The following CADM2 variants were observed in gnomAD, a reference collection of about 807,000 sequenced individuals.
CADM2 encodes immunoglobulin superfamily member 4D.
In CADM2, 12 loss-of-function variants were observed where a neutral mutation model predicts 49.8. The observed-to-expected ratio is 0.24, with a 90% confidence interval of 0.15 to 0.39. CADM2 has a LOEUF of 0.39. Ranked by LOEUF, CADM2 falls within the 10% of genes least tolerant of loss-of-function variation. The probability of loss-of-function intolerance (pLI) is 1.00; values close to 1 mark genes in which losing one functional copy is unlikely to be tolerated. For missense variants in CADM2, 378 were observed against 492.3 expected, an observed-to-expected ratio of 0.77 and a Z score of 2.20; for synonymous variants, 214 against 175.4, an observed-to-expected ratio of 1.22 and a Z score of -1.74.
Position 85,859,224 on chromosome 3 carries a change from C to CTTTTTTTTTTTTTTTTTTTTT in CADM2, c.239-24061_239-24041dup, listed in dbSNP as rs397990427. The stretch of plus-strand genomic sequence containing the variant: ...TACCTTGTGCTTTTCTTTTTTTTGT[C>CTTTTTTTTTTTTTTTTTTTTT]TTTTTTTTTTTTTTTTTTTTTTTTT... On this transcript the variant is annotated intron_variant, in intron 3 of 9. Coordinates refer to ENST00000383699, the MANE Select transcript of CADM2 (RefSeq NM_001167675.2). 1.6e-4 allele frequency among the ~76,000 whole-genome samples: 11 copies of CTTTTTTTTTTTTTTTTTTTTT among 70,598 alleles called. 3 individuals are homozygous for CTTTTTTTTTTTTTTTTTTTTT. The highest frequency in any genetic ancestry group is 2.7e-4 in the Non-Finnish European group (11 of 40,030). The allele number at this position is 70,598 out of a possible 152,430, so 46.3% of individuals were successfully genotyped here.
At chr3:85,743,301 C>G (rs1022636630) in intron 2 of CADM2, among the ~76,000 whole-genome samples, 1 of 152,156 alleles carries the variant, frequency 6.6e-6, no homozygotes, top group Non-Finnish European at 1.5e-5. Flanking sequence ...AAAAGCACAG[C>G]TTTTCAGCCA....
At chr3:85,038,993 A>G (rs1576091505) in intron 1 of CADM2, among the ~76,000 whole-genome samples, 2 of 152,126 alleles carry the variant, frequency 1.3e-5, no homozygotes, top group East Asian at 3.8e-4. Flanking sequence ...TCATAATTTT[A>G]TATACTTATG....
Position 86,067,092 on chromosome 3 carries a change from T to A in CADM2, c.*309T>A. 1 of 236,522 alleles carries A rather than the reference T, an allele frequency of 4.2e-6. No individual in the cohort carries two copies. Among genetic ancestry groups the A allele is most frequent in the South Asian group, 9.4e-5 (1 of 10,678 alleles). The allele number at this position is 236,522 out of a possible 1,614,324, so 14.7% of individuals were successfully genotyped here. A position where few individuals can be genotyped will look rare whatever the true frequency, so the allele number is the denominator to read the frequency against. ...CTTGGATCATTATATTGAGTGGTTT[T>A]TATACATTAAAAAATGTATGCAGAG... is the stretch of plus-strand genomic sequence containing the variant. On this transcript the variant is annotated 3_prime_UTR_variant, in exon 10 of 10. Coordinates refer to ENST00000383699, the MANE Select transcript of CADM2 (RefSeq NM_001167675.2).
intron 8 of CADM2, among the ~76,000 whole-genome samples, chr3:85,965,827 A>G (rs992522864): frequency 4.0e-5 from 6 of 151,624 alleles, no homozygotes; most frequent in African/African-American, 1.5e-4. Context: ...GGAATGACCA[A>G]TGGTATTATG....
intron 1 of CADM2, among the ~76,000 whole-genome samples, chr3:85,383,527 T>TATAC (rs2034028235): frequency 1.7e-5 from 1 of 59,502 alleles, no homozygotes; most frequent in South Asian, 5.6e-4. Flanking sequence ...TATATATATA[T>TATAC]ATATATATAT....
At chr3:85,099,246 C>T (rs1262718251) in intron 1 of CADM2, among the ~76,000 whole-genome samples, 4 of 152,120 alleles carry the variant, frequency 2.6e-5, no homozygotes, top group Non-Finnish European at 5.9e-5. Context: ...GTTCCTGAAA[C>T]TTACCCAGAG....
chr3:85,537,489 G>A (rs1056509533), intron 1 of CADM2, among the ~76,000 whole-genome samples: 1 of 46,126 alleles, frequency 2.2e-5, no homozygotes, highest in African/African-American at 4.5e-5. Context: ...CGCATGCATG[G>A]TTGTTTGTGT....
intron 7 of CADM2, among the ~76,000 whole-genome samples, chr3:85,952,979 TCTTA>T (rs1487320407): frequency 6.7e-6 from 1 of 149,274 alleles, no homozygotes; most frequent in Non-Finnish European, 1.5e-5. Flanking sequence ...GCTGGCTGTT[TCTTA>T]CTTTATTTTT....
chr3:85,296,255 G>C (rs946262263), intron 1 of CADM2, among the ~76,000 whole-genome samples: 1 of 152,010 alleles, frequency 6.6e-6, no homozygotes, highest in Non-Finnish European at 1.5e-5. Flanking sequence ...ATAAAGTACA[G>C]CTAAGACCTC....
chr3:85,021,797 AAAAAT>A (rs2034524806), intron 1 of CADM2, among the ~76,000 whole-genome samples: 1 of 152,254 alleles, frequency 6.6e-6, no homozygotes, highest in African/African-American at 2.4e-5. Flanking sequence ...AATAAAAACA[AAAAAT>A]AAAAATACAC....
intron 8 of CADM2, among the ~76,000 whole-genome samples, chr3:85,970,101 GAA>G (rs1185531301): frequency 2.9e-5 from 4 of 138,744 alleles, no homozygotes; most frequent in African/African-American, 1.0e-4. Context: ...ATCCCATATT[GAA>G]AAAAAAAAAG....
chr3:85,109,698 CTTAA>C (rs1427686012), intron 1 of CADM2, among the ~76,000 whole-genome samples: 1 of 151,794 alleles, frequency 6.6e-6, no homozygotes, highest in African/African-American at 2.4e-5. Flanking sequence ...GGAAAAGTTT[CTTAA>C]TTAATTATTT....
intron 1 of CADM2, among the ~76,000 whole-genome samples, chr3:85,531,353 T>A (rs2061304952): frequency 6.6e-6 from 1 of 152,210 alleles, no homozygotes; most frequent in Non-Finnish European, 1.5e-5. Flanking sequence ...GGTGGTTGTT[T>A]CAGTGTAAGC....
chr3:85,211,346 T>C (rs1160871301), intron 1 of CADM2, among the ~76,000 whole-genome samples: 2 of 152,066 alleles, frequency 1.3e-5, no homozygotes, highest in Non-Finnish European at 2.9e-5. Context: ...TGGGGTTTGG[T>C]TTGTTTTTGC....
chr3:85,870,793 A>G (rs2075899000), intron 3 of CADM2, among the ~76,000 whole-genome samples: 2 of 152,172 alleles, frequency 1.3e-5, no homozygotes, highest in African/African-American at 4.8e-5. Context: ...GTTGAATGAT[A>G]GTTCTGTTTT....
intron 5 of CADM2, among the ~76,000 whole-genome samples, chr3:85,904,094 A>G (rs564392698): frequency 1.3e-5 from 2 of 151,836 alleles, no homozygotes; most frequent in African/African-American, 2.4e-5. Flanking sequence ...ACTTCCCCCA[A>G]CTCTGTTCCA....
chr3:85,238,238 G>T (rs770852805), intron 1 of CADM2, among the ~76,000 whole-genome samples: 1 of 151,914 alleles, frequency 6.6e-6, no homozygotes, highest in Non-Finnish European at 1.5e-5. Flanking sequence ...GAACGTATCA[G>T]TGTGCCATAT....
intron 1 of CADM2, among the ~76,000 whole-genome samples, chr3:85,519,976 T>A (rs879439115): frequency 6.6e-6 from 1 of 152,048 alleles, no homozygotes; most frequent in Non-Finnish European, 1.5e-5. Context: ...AGAATGTGTA[T>A]TTTTATTAAC....
At chr3:85,489,804 T>C (rs201419778) in intron 1 of CADM2, among the ~76,000 whole-genome samples, 1 of 146,778 alleles carries the variant, frequency 6.8e-6, no homozygotes, top group Non-Finnish European at 1.5e-5. Flanking sequence ...TGTGTGTGTG[T>C]GTGAGAGAGA....
Sources: gnomAD v4.1 joint callset for allele counts (sites outside exome capture counted in the v4.1 genomes callset) on GRCh38, gnomAD v4.1.1 for gene constraint, MANE v1.5 for transcripts, NCBI Gene and HGNC (gene_info 2026-07-23, HGNC 2026-07-21) for gene names.